The following FILIP1L variants were observed in gnomAD, a reference collection of about 807,000 sequenced individuals.
The protein encoded by FILIP1L is filamin A-interacting protein 1-like.
A neutral mutation model predicts 96.6 loss-of-function variants in FILIP1L; 55 were observed. The observed-to-expected ratio is 0.57, with a 90% CI of 0.46 to 0.71. The LOEUF is 0.71. FILIP1L is among the 30% of genes least tolerant of loss of function. The probability of loss-of-function intolerance (pLI) is 0.00; values close to 1 mark genes in which losing one functional copy is unlikely to be tolerated. For synonymous variants in FILIP1L, 467 were observed against 473.9 expected (o/e 0.99, Z 0.19); for missense variants, 1,304 against 1,321.2 (o/e 0.99, Z 0.20).
intron 1 of FILIP1L, among the ~76,000 whole-genome samples, chr3:99,951,345 C>A (rs1477832603): frequency 6.6e-6 from 1 of 152,156 alleles, no homozygotes; most frequent in Non-Finnish European, 1.5e-5. Flanking sequence ...TCAACCTCCC[C>A]CACTGAACCC....
chr3:100,082,725 C>A (rs73144447), intron 1 of FILIP1L, among the ~76,000 whole-genome samples: 1 of 152,116 alleles, frequency 6.6e-6, no homozygotes, highest in East Asian at 1.9e-4. Context: ...ATTTTTTATA[C>A]CCTTACTTAA....
intron 1 of FILIP1L, among the ~76,000 whole-genome samples, chr3:99,989,059 A>G (rs1709436958): frequency 6.6e-6 from 1 of 152,212 alleles, no homozygotes; most frequent in Non-Finnish European, 1.5e-5. Flanking sequence ...CTTCCATCTC[A>G]TAAACTTACT....
chr3:99,983,387 T>A (rs1709188631), intron 1 of FILIP1L, among the ~76,000 whole-genome samples: 1 of 20,154 alleles, frequency 5.0e-5, no homozygotes, highest in African/African-American at 1.0e-4. Flanking sequence ...AATAAATAAA[T>A]AAATATATAT....
intron 4 of FILIP1L, among the ~76,000 whole-genome samples, chr3:99,892,466 T>C (rs188378023): frequency 1.3e-5 from 2 of 152,344 alleles, no homozygotes; most frequent in East Asian, 3.9e-4. Flanking sequence ...TAGTGAAATA[T>C]GTCACCACAC....
At chr3:100,093,185 C>T (rs146277038) in intron 1 of FILIP1L, among the ~76,000 whole-genome samples, 210 of 152,194 alleles carry the variant, frequency 1.4e-3, no homozygotes, top group African/African-American at 4.7e-3. Context: ...AAACAGGGAC[C>T]TCTGGCCTAA....
rs530923384 is a variant in FILIP1L, at chr3:99,848,816, TGGA to T, written c.2857_2859del (p.Ser953del). 1,146 of 1,614,184 alleles carry T rather than the reference TGGA, an allele frequency of 7.1e-4. 1 individual carries two copies. Among genetic ancestry groups the T allele is most frequent in the Non-Finnish European group, 8.8e-4 (1,039 of 1,180,024 alleles). On this transcript the variant is annotated inframe_deletion, in exon 5 of 6. Transcript: ENST00000477258. ...GAGGTTTTGGACTTTACTGGTGTTA[TGGA>T]GGCGTTTTGGAGGATGGTTATCCTT...
chr3:100,089,961 G>A (rs576152774), intron 1 of FILIP1L, among the ~76,000 whole-genome samples: 2 of 152,290 alleles, frequency 1.3e-5, no homozygotes, highest in East Asian at 3.9e-4. Flanking sequence ...CAAAATTGGA[G>A]GGAGGAAATA....
chr3:99,894,531 A>G (rs1033614618), intron 4 of FILIP1L, among the ~76,000 whole-genome samples: 2 of 152,248 alleles, frequency 1.3e-5, no homozygotes, highest in African/African-American at 4.8e-5. Flanking sequence ...GAAGAAATGT[A>G]GGATAATGCT....
At chr3:99,969,763 G>A (rs1708760649) in intron 1 of FILIP1L, among the ~76,000 whole-genome samples, 1 of 152,164 alleles carries the variant, frequency 6.6e-6, no homozygotes, top group South Asian at 2.1e-4. Flanking sequence ...CTGTGACCAT[G>A]GAGATGAAGA....
At chr3:99,909,665 T>G (rs1004455650) in intron 4 of FILIP1L, among the ~76,000 whole-genome samples, 2 of 152,204 alleles carry the variant, frequency 1.3e-5, no homozygotes, top group African/African-American at 4.8e-5. Flanking sequence ...TGTGTCATGT[T>G]TTTCATCATA....
rs781244378 is a variant in FILIP1L, at chr3:99,848,946, A to C, written c.2730T>G (p.His910Gln). 1 of 1,614,024 alleles carries C rather than the reference A, an allele frequency of 6.2e-7. No homozygotes were observed. The highest frequency in any genetic ancestry group is 8.5e-7 in the Non-Finnish European group (1 of 1,180,018). The change falls in exon 5 of 6, where the codon CAT becomes CAG. Residue 910 changes from histidine (H) to glutamine (Q), a missense_variant. Transcript: ENST00000477258. ...QPLHIKVTPD[H>Q]VQNTATLEIT... ...TTTCAAGAGTGGCTGTGTTTTGTACATGGTCTGGAGTAACCTTTATATGAA... is the reference window on the plus strand; with the variant it reads ...TTTCAAGAGTGGCTGTGTTTTGTACCTGGTCTGGAGTAACCTTTATATGAA...
At chr3:99,895,952 A>G (rs555141632) in intron 4 of FILIP1L, among the ~76,000 whole-genome samples, 1 of 152,330 alleles carries the variant, frequency 6.6e-6, no homozygotes, top group East Asian at 1.9e-4. Flanking sequence ...AGCTGTAAAG[A>G]TAGTCTTTTT....
intron 1 of FILIP1L, among the ~76,000 whole-genome samples, chr3:99,945,043 A>G (rs932579845): frequency 1.3e-5 from 2 of 152,190 alleles, no homozygotes; most frequent in Admixed American, 6.5e-5. Context: ...ACTCTGCTTA[A>G]GTCAAAAATC....
At chr3:100,105,911 C>A (rs941211305) in intron 1 of FILIP1L, among the ~76,000 whole-genome samples, 3 of 152,116 alleles carry the variant, frequency 2.0e-5, no homozygotes, top group African/African-American at 7.2e-5. Flanking sequence ...AATGAGCTTT[C>A]TTTTCTCACT....
chr3:100,055,494 A>G lies in FILIP1L; in HGVS notation c.-11+58559T>C, dbSNP rs374365991. Among the ~76,000 whole-genome samples, 13 of 152,354 alleles carry G rather than the reference A, an allele frequency of 8.5e-5. No individual in the cohort carries two copies. The South Asian group carries it at 1.2e-3, about 15-fold the overall frequency. On this transcript the variant is annotated intron_variant, in intron 1 of 5. Transcript: ENST00000477258. ...TTTGTCTCTCGTTAAGTATTTGTAA[A>G]TACTAAAGACTGTCTTTACCTTTAT... is the stretch of plus-strand genomic sequence containing the variant.
intron 1 of FILIP1L, among the ~76,000 whole-genome samples, chr3:100,015,175 G>A (rs891281086): frequency 1.5e-4 from 22 of 151,494 alleles, no homozygotes; most frequent in Admixed American, 2.6e-4. Context: ...TGCATTTTTG[G>A]TACCTTCGTT....
intron 4 of FILIP1L, among the ~76,000 whole-genome samples, chr3:99,869,645 A>T (rs1368063114): frequency 6.6e-6 from 1 of 152,160 alleles, no homozygotes; most frequent in Non-Finnish European, 1.5e-5. Flanking sequence ...AGGCTCCTGG[A>T]CCAGGCAACT....
intron 4 of FILIP1L, among the ~76,000 whole-genome samples, chr3:99,903,781 C>CT (rs962699800): frequency 5.3e-5 from 8 of 152,010 alleles, no homozygotes; most frequent in Admixed American, 1.3e-4. Context: ...AAAAGTGTGT[C>CT]TTTTTTTACT....
chr3:100,109,215 A>G (rs911640491), intron 1 of FILIP1L, among the ~76,000 whole-genome samples: 2 of 151,904 alleles, frequency 1.3e-5, no homozygotes, highest in African/African-American at 2.4e-5. Context: ...GTGTTTTAAT[A>G]TCCTAAAAAA....
Sources: allele counts gnomAD v4.1 joint callset (sites outside exome capture counted in the v4.1 genomes callset), GRCh38; gene constraint gnomAD v4.1.1; transcripts MANE v1.5; gene names NCBI Gene and HGNC (gene_info 2026-07-23, HGNC 2026-07-21).